PCLO: variants seen among roughly 807,000 people sequenced by gnomAD.
PCLO encodes the protein protein piccolo.
PCLO carries 82 observed loss-of-function variants against 427.5 expected under a neutral mutation model. That is an observed-to-expected ratio of 0.19 (90% CI 0.16 to 0.23). PCLO has a LOEUF of 0.23. PCLO is among the 10% of genes least tolerant of loss of function. PCLO has a pLI of 1.00. For synonymous variants in PCLO, 2,357 were observed against 2,155.4 expected (o/e 1.09, Z -2.59); for missense variants, 6,239 against 6,115.9 (o/e 1.02, Z -0.67).
intron 2 of PCLO, among the ~76,000 whole-genome samples, chr7:83,138,305 A>G (rs553596714): frequency 6.6e-6 from 1 of 152,314 alleles, no homozygotes; most frequent in African/African-American, 2.4e-5. Flanking sequence ...TCAAAATAAA[A>G]AATTCTTTTA....
In PCLO at chr7:82,758,701, G is replaced by T; in HGVS notation, c.15303C>A (p.Ser5101=). The T allele has an allele frequency of 6.3e-7, 1 of 1,595,430 alleles. No homozygotes were observed. Among genetic ancestry groups the T allele is most frequent in the Admixed American group, 1.7e-5 (1 of 58,868 alleles). Residue 5101 remains serine, a synonymous_variant, in exon 25 of 25, where the codon TCC becomes TCA. Coordinates refer to ENST00000333891, the MANE Select transcript of PCLO (RefSeq NM_033026.6). The part of the protein sequence containing the change: ...AGHSLQILLF[S]NGGKFMKKTL... ...TCTTTTTCATAAACTTCCCTCCATT[G>T]GAGAAAAGTAAAATCTAGAAAAAAT...
At chr7:82,946,857 A>G (rs1039928962) in intron 6 of PCLO, among the ~76,000 whole-genome samples, 9 of 152,232 alleles carry the variant, frequency 5.9e-5, no homozygotes, top group African/African-American at 2.2e-4. Flanking sequence ...GGAGCTGTTT[A>G]GAGAACTGAT....
At position 83,031,543 on chromosome 7, in the gene PCLO, A is replaced by G. The variant is rs150317696; in HGVS notation, c.3301-65056T>C. Among the ~76,000 whole-genome samples the G allele has an allele frequency of 4.5e-4, 69 of 152,306 alleles. No individual in the cohort carries two copies. The Middle Eastern group carries it at 0.01, about 23-fold the overall frequency. On this transcript the variant is annotated intron_variant, in intron 3 of 24. Transcript: ENST00000333891. ...TTGATAAAATACCATGTTACACACAAAAAAGGGAAATGGTAAAATTAAGAT... is the reference window on the plus strand; with the variant it reads ...TTGATAAAATACCATGTTACACACAGAAAAGGGAAATGGTAAAATTAAGAT...
chr7:83,074,340 A>G (rs1240372457), intron 3 of PCLO, among the ~76,000 whole-genome samples: 1 of 152,084 alleles, frequency 6.6e-6, no homozygotes, highest in Non-Finnish European at 1.5e-5. Flanking sequence ...TAGACACACA[A>G]AAGTTAGTAC....
chr7:83,143,249 G>A (rs758192588), intron 2 of PCLO, among the ~76,000 whole-genome samples: 7 of 149,138 alleles, frequency 4.7e-5, no homozygotes, highest in Non-Finnish European at 5.9e-5. Context: ...TGAGCTCCCC[G>A]ACAGAGGCAG....
At chr7:82,847,561 C>A (rs1187836887) in intron 10 of PCLO, among the ~76,000 whole-genome samples, 4 of 152,086 alleles carry the variant, frequency 2.6e-5, no homozygotes, top group African/African-American at 9.7e-5. Flanking sequence ...TTGCTCAGAC[C>A]AATTTTGTAT....
At chr7:83,079,274 C>T (rs984329128) in intron 3 of PCLO, among the ~76,000 whole-genome samples, 3 of 152,138 alleles carry the variant, frequency 2.0e-5, no homozygotes, top group Non-Finnish European at 4.4e-5. Flanking sequence ...TTAAAACCAA[C>T]ATAAAAACTA....
chr7:83,003,083 C>T (rs12530517), intron 3 of PCLO, among the ~76,000 whole-genome samples: 39,779 of 150,992 alleles, frequency 0.26, 6,623 homozygotes, highest in East Asian at 0.59. Flanking sequence ...AATTGGATTT[C>T]TACAGGTGGT....
intron 3 of PCLO, among the ~76,000 whole-genome samples, chr7:83,090,770 G>A (rs1468311841): frequency 6.6e-6 from 1 of 151,824 alleles, no homozygotes; most frequent in Non-Finnish European, 1.5e-5. Flanking sequence ...ATAAAACTTG[G>A]AACTAAAACA....
At chr7:82,779,564 A>T (rs1304460232) in intron 22 of PCLO, among the ~76,000 whole-genome samples, 6 of 152,084 alleles carry the variant, frequency 3.9e-5, no homozygotes, top group Non-Finnish European at 5.9e-5. Context: ...CTACATCCTT[A>T]ACGAAAGCTT....
At chr7:82,850,878 A>T (rs968971489) in intron 10 of PCLO, among the ~76,000 whole-genome samples, 1 of 152,192 alleles carries the variant, frequency 6.6e-6, no homozygotes, top group African/African-American at 2.4e-5. Flanking sequence ...AAGATCATTC[A>T]CACAGGAGGA....
At chr7:82,848,947 T>C (rs1397772827) in intron 10 of PCLO, 3 of 383,776 alleles carry the variant, frequency 7.8e-6, no homozygotes, top group Non-Finnish European at 1.6e-5. Flanking sequence ...AATGAGAAAA[T>C]TATGTAAAAG....
At chr7:82,878,222 T>G (rs75553922) in intron 10 of PCLO, among the ~76,000 whole-genome samples, 3,065 of 152,214 alleles carry the variant, frequency 0.02, 109 homozygotes, top group African/African-American at 0.07. Flanking sequence ...CAGCATAACA[T>G]TGTGATGAAT....
At chr7:82,778,109 A>G (rs1285395650) in intron 22 of PCLO, among the ~76,000 whole-genome samples, 1 of 152,178 alleles carries the variant, frequency 6.6e-6, no homozygotes, top group East Asian at 1.9e-4. Flanking sequence ...AGAAAAGGAC[A>G]TGAACAGACA....
chr7:82,809,899 T>G (rs1434051529), intron 20 of PCLO, among the ~76,000 whole-genome samples: 1 of 151,598 alleles, frequency 6.6e-6, no homozygotes, highest in Non-Finnish European at 1.5e-5. Context: ...AACACTGGTT[T>G]GATTGAAGGA....
At chr7:82,912,819 T>C (rs958965657) in intron 7 of PCLO, among the ~76,000 whole-genome samples, 3 of 152,120 alleles carry the variant, frequency 2.0e-5, no homozygotes, top group Non-Finnish European at 4.4e-5. Context: ...TCTAAATATC[T>C]GGCAGCATGT....
chr7:82,779,628 T>A (rs1790826903), intron 22 of PCLO, among the ~76,000 whole-genome samples: 1 of 152,016 alleles, frequency 6.6e-6, no homozygotes, highest in Non-Finnish European at 1.5e-5. Flanking sequence ...AACAGGAAAT[T>A]TTTTTTCTGA....
At chr7:83,029,649 GAC>G (rs1788607386) in intron 3 of PCLO, among the ~76,000 whole-genome samples, 1 of 126,318 alleles carries the variant, frequency 7.9e-6, no homozygotes, top group Admixed American at 8.6e-5. Flanking sequence ...CTGCTATAAA[GAC>G]ACATGCACAC....
chr7:82,954,896 G>A lies in PCLO; in HGVS notation c.6057C>T (p.Ser2019=), dbSNP rs769260164. Residue 2019 remains serine (S), a synonymous_variant, in exon 5 of 25, where the codon AGC becomes AGT. Transcript: ENST00000333891. ...DLQKEFYELE[S]LHSVVPQEDI... is the part of the protein sequence containing the mutation. Reference sequence around the variant, plus strand: ...CTTCCTGAGGCACAACAGAATGTAAGCTTTCTAACTCATAAAACTCTTTCT... The same window carrying A: ...CTTCCTGAGGCACAACAGAATGTAAACTTTCTAACTCATAAAACTCTTTCT... 4 of 1,613,726 alleles carry A rather than the reference G, an allele frequency of 2.5e-6. No individual in the cohort carries two copies. Among genetic ancestry groups the A allele is most frequent in the East Asian group, 2.2e-5 (1 of 44,888 alleles).
Sources: gnomAD v4.1 joint callset for allele counts (sites outside exome capture counted in the v4.1 genomes callset) on GRCh38, gnomAD v4.1.1 for gene constraint, MANE v1.5 for transcripts, NCBI Gene and HGNC (gene_info 2026-07-23, HGNC 2026-07-21) for gene names.